GAK: variants seen among roughly 807,000 people sequenced by gnomAD.
The protein encoded by GAK is cyclin-G-associated kinase.
In GAK, 79 loss-of-function variants were observed where a neutral mutation model predicts 143.9. That is an observed-to-expected ratio of 0.55 (90% CI 0.46 to 0.66). GAK has a LOEUF of 0.66. Ranked by LOEUF, GAK falls within the 30% of genes least tolerant of loss-of-function variation. The probability of loss-of-function intolerance (pLI) is 0.00; values close to 1 mark genes in which losing one functional copy is unlikely to be tolerated. For synonymous variants in GAK, 881 were observed against 765.5 expected (o/e 1.15, Z -2.49); for missense variants, 1,693 against 1,779.7 (o/e 0.95, Z 0.88).
chr4:855,336 T>TA lies in GAK; in HGVS notation c.3284-3363dup, dbSNP rs773175977. Among the ~76,000 whole-genome samples, 1,327 of 142,384 alleles carry TA rather than the reference T, an allele frequency of 9.3e-3. 5 individuals carry two copies. Among genetic ancestry groups the TA allele is most frequent in the African/African-American group, 0.018 (691 of 39,024 alleles). The allele number at this position is 142,384 out of a possible 152,430, so 93.4% of individuals were successfully genotyped here. A position where few individuals can be genotyped will look rare whatever the true frequency, so the allele number is the denominator to read the frequency against. On this transcript the variant is annotated intron_variant, in intron 24 of 27. Coordinates refer to ENST00000314167, the MANE Select transcript of GAK (RefSeq NM_005255.4). The stretch of plus-strand genomic sequence containing the variant: ...TTTATACCTAAATGTTTATTTTTTC[T>TA]AAAAAAAAAAAAGGTGATTGTAAAT...
Position 887,332 on chromosome 4 carries a change from C to T in GAK, c.1205+1515G>A, listed in dbSNP as rs113397129. ...CGTGTACACATGCACGCGGCTCATG[C>T]TCACTCACAGGCACTCCTACGCATG... On this transcript the variant is annotated intron_variant, in intron 11 of 27. Transcript: ENST00000314167. 4.4e-4 allele frequency: 66 copies of T among 148,514 alleles called. 1 individual carries two copies. The highest frequency in any genetic ancestry group is 1.6e-3 in the African/African-American group (63 of 40,620). 9.2% of individuals were successfully genotyped at this position (148,514 alleles called of 1,614,324 possible). A position where few individuals can be genotyped will look rare whatever the true frequency, so the allele number is the denominator to read the frequency against.
intron 18 of GAK, among the ~76,000 whole-genome samples, chr4:875,931 ACT>A (rs1404287087): frequency 2.0e-5 from 3 of 152,140 alleles, no homozygotes; most frequent in Middle Eastern, 3.4e-3. Context: ...TTAGAGCGAG[ACT>A]CTGTCTCAAA....
chr4:864,492 C>T (rs950791956), intron 23 of GAK, among the ~76,000 whole-genome samples: 3 of 152,218 alleles, frequency 2.0e-5, no homozygotes, highest in Non-Finnish European at 4.4e-5. Context: ...CCCGCGACAT[C>T]GCTGAGGCCG....
At chr4:854,213 A>G (rs1748735196) in intron 24 of GAK, among the ~76,000 whole-genome samples, 2 of 151,772 alleles carry the variant, frequency 1.3e-5, no homozygotes, top group Non-Finnish European at 2.9e-5. Flanking sequence ...AGGTCAGCAG[A>G]TAAACAAGTG....
At chr4:849,833 G>GGGGGGGGC in intron 27 of GAK, 59 bp from the exon 28 acceptor site, 3 of 1,190,140 alleles carry the variant, frequency 2.5e-6, no homozygotes, top group Non-Finnish European at 3.5e-6. Flanking sequence ...GGCGGGGCAG[G>GGGGGGGGC]ACCCCCCCCC....
chr4:854,827 C>T (rs184725712), intron 24 of GAK, among the ~76,000 whole-genome samples: 30 of 152,236 alleles, frequency 2.0e-4, no homozygotes, highest in Admixed American at 1.2e-3. Context: ...GGGCGGATCA[C>T]GAGGTCAGGA....
At position 851,890 on chromosome 4, in the gene GAK, C is replaced by T. The variant is rs145818077; in HGVS notation, c.3368G>A (p.Arg1123Gln). 1.5e-3 allele frequency: 2,389 copies of T among 1,611,142 alleles called. 4 individuals carry two copies. The highest frequency in any genetic ancestry group is 1.8e-3 in the Non-Finnish European group (2,084 of 1,178,184). The change falls in exon 25 of 28, where the codon CGG becomes CAG. Residue 1123 changes from arginine (R) to glutamine (Q), a missense_variant. By Grantham distance (43) the Arg-to-Gln change is conservative. Transcript: ENST00000314167. ...CCATGAGGCGCCCTGGGCTGGCGGC[C>T]GACTTGTCTGCCAGGAGCTGCTGCC... ...PKGSSSWQTS[R>Q]PPAQGASWPP...
chr4:853,459 T>G (rs1176732632), intron 24 of GAK: 1 of 152,326 alleles, frequency 6.6e-6, no homozygotes, highest in African/African-American at 2.4e-5. Context: ...GCCCTGCCAC[T>G]TGTCACTCCC....
At chr4:853,069 G>C (rs1282283849) in intron 24 of GAK, 1 of 151,712 alleles carries the variant, frequency 6.6e-6, no homozygotes, top group African/African-American at 2.4e-5. Context: ...AGGCTTAAGA[G>C]ACCCGCTGGC....
At chr4:914,236 G>A (rs1258968790) in intron 1 of GAK, among the ~76,000 whole-genome samples, 1 of 54,548 alleles carries the variant, frequency 1.8e-5, no homozygotes, top group Non-Finnish European at 3.2e-5. Flanking sequence ...GCCCCAGCGT[G>A]CACGGCCCCC....
chr4:856,231 C>A (rs1749122771), intron 24 of GAK, among the ~76,000 whole-genome samples: 1 of 136,498 alleles, frequency 7.3e-6, no homozygotes, highest in South Asian at 2.5e-4. Context: ...TGCTCACCAC[C>A]ACAGCTGCTC....
intron 9 of GAK, among the ~76,000 whole-genome samples, chr4:893,064 G>T (rs1717983065): frequency 6.6e-6 from 1 of 152,182 alleles, no homozygotes; most frequent in Non-Finnish European, 1.5e-5. Context: ...TCTCTGTGGG[G>T]GGATTTGGGG....
At chr4:895,732 C>T (rs1718643141) in intron 7 of GAK, among the ~76,000 whole-genome samples, 1 of 152,220 alleles carries the variant, frequency 6.6e-6, no homozygotes, top group African/African-American at 2.4e-5. Context: ...GGGACATGGC[C>T]TTGGAGAGAT....
chr4:908,804 C>T (rs1041254232), intron 4 of GAK, among the ~76,000 whole-genome samples: 1 of 152,152 alleles, frequency 6.6e-6, no homozygotes, highest in Non-Finnish European at 1.5e-5. Context: ...ACGCCTGATA[C>T]GGTCAATTTT....
At chr4:898,547 A>G (rs1014343204) in intron 5 of GAK, among the ~76,000 whole-genome samples, 1 of 152,266 alleles carries the variant, frequency 6.6e-6, no homozygotes, top group African/African-American at 2.4e-5. Flanking sequence ...CATAAATCAA[A>G]GAAAGATAAT....
rs371349310 is a variant in GAK, at chr4:866,351, G to A, written c.3043+13C>T. 16 of 1,612,686 alleles carry A rather than the reference G, an allele frequency of 9.9e-6. No homozygotes were observed. Among genetic ancestry groups the A allele is most frequent in the African/African-American group, 6.7e-5 (5 of 74,926 alleles). ...GGCCATGGAGAGCTGGCTGCCAGGCGAGAGGCACTTACCCAGGTGCAGGAA... is the reference window on the plus strand; with the variant it reads ...GGCCATGGAGAGCTGGCTGCCAGGCAAGAGGCACTTACCCAGGTGCAGGAA... On this transcript the variant is annotated intron_variant, in intron 22 of 27. Transcript: ENST00000314167.
intron 19 of GAK, 69 bp downstream of exon 19, chr4:870,642 C>T: frequency 6.6e-7 from 1 of 1,520,130 alleles, no homozygotes; most frequent in East Asian, 2.3e-5. Flanking sequence ...AGAGCTCAGC[C>T]AAAGGTGTCT....
intron 11 of GAK, chr4:887,533 G>A (rs556805094): frequency 1.4e-5 from 2 of 147,688 alleles, no homozygotes; most frequent in East Asian, 2.1e-4. Context: ...TTGCATGCGT[G>A]TGTACACATG....
intron 11 of GAK, chr4:886,149 C>T (rs1716284546): frequency 6.6e-6 from 1 of 152,272 alleles, no homozygotes; most frequent in Non-Finnish European, 1.5e-5. Flanking sequence ...TCATCTGCCT[C>T]AAGCACGTGA....
Sources: allele counts gnomAD v4.1 joint callset (sites outside exome capture counted in the v4.1 genomes callset), GRCh38; gene constraint gnomAD v4.1.1; transcripts MANE v1.5; gene names NCBI Gene and HGNC (gene_info 2026-07-23, HGNC 2026-07-21).